MYOF: variants seen among roughly 807,000 people sequenced by gnomAD.
MYOF encodes the protein myoferlin.
A neutral mutation model predicts 284.2 loss-of-function variants in MYOF; 244 were observed. That is an observed-to-expected ratio of 0.86 (90% CI 0.77 to 0.95). The LOEUF (loss-of-function observed/expected upper bound fraction) is 0.95, where lower values mean the gene tolerates loss of function less well. Among genes scored for constraint, MYOF ranks in the 40% least tolerant of loss-of-function variants. The pLI is 0.00. For missense variants in MYOF, 2,496 were observed against 2,560.6 expected (o/e 0.97, Z 0.54); for synonymous variants, 904 against 919.7 (o/e 0.98, Z 0.31).
At chr10:93,393,095 T>C in intron 16 of MYOF, 140 bp from the exon 17 acceptor site, 1 of 710,522 alleles carries the variant, frequency 1.4e-6, no homozygotes, top group Non-Finnish European at 2.5e-6. Flanking sequence ...CCAAGTCACA[T>C]ATGACCCTTT....
At position 93,378,693 on chromosome 10, in the gene MYOF, G is replaced by GTGTGTATATATA; in HGVS notation, c.2001+1169_2001+1170insTATATATACACA. Among the ~76,000 whole-genome samples, 593 of 87,796 alleles carry GTGTGTATATATA rather than the reference G, an allele frequency of 6.8e-3. 24 individuals are homozygous for GTGTGTATATATA. Among genetic ancestry groups the GTGTGTATATATA allele is most frequent in the African/African-American group, 0.026 (532 of 20,774 alleles). The allele number at this position is 87,796 out of a possible 152,430, so 57.6% of individuals were successfully genotyped here. ...TATGTGTGTGTGTATGTGTGTGTGT[G>GTGTGTATATATA]TATATATATATATATATATATATGT... is the stretch of plus-strand genomic sequence containing the variant. On this transcript the variant is annotated intron_variant, in intron 21 of 53. Coordinates refer to ENST00000359263, the MANE Select transcript of MYOF (RefSeq NM_013451.4).
Position 93,347,650 on chromosome 10 carries a change from C to T in MYOF, c.4216G>A (p.Ala1406Thr), listed in dbSNP as rs370235457. 1.2e-6 allele frequency: 2 copies of T among 1,613,758 alleles called. No homozygotes were observed. Among genetic ancestry groups the T allele is most frequent in the Non-Finnish European group, 1.7e-6 (2 of 1,179,978 alleles). ...RLDRFRCDPY[A>T]GKEDIVPQLK... ...TGTGGGACGATGTCCTCTTTCCCTG[C>T]ATAAGGGTCACAGCGAAAGCGGTCC... The change falls in exon 37 of 54, where the codon GCA (alanine) becomes ACA (threonine). Residue 1406 changes from alanine (A) to threonine (T), a missense_variant. Ala to Thr is a moderately conservative substitution (Grantham distance 58). Coordinates refer to ENST00000359263, the MANE Select transcript of MYOF (RefSeq NM_013451.4).
intron 2 of MYOF, among the ~76,000 whole-genome samples, chr10:93,453,009 A>G (rs1256545245): frequency 6.6e-6 from 1 of 152,166 alleles, no homozygotes; most frequent in Non-Finnish European, 1.5e-5. Flanking sequence ...CTGATTAGGT[A>G]ATAATTAAAT....
intron 35 of MYOF, 41 bp downstream of exon 35, chr10:93,351,156 A>G (rs1844485390): frequency 6.3e-7 from 1 of 1,582,456 alleles, no homozygotes; most frequent in South Asian, 1.1e-5. Flanking sequence ...CTGCAGTCAC[A>G]TCCGTTTGAT....
rs114746792 is a variant in MYOF, at chr10:93,376,216, T to G, written c.2108+1107A>C. Among the ~76,000 whole-genome samples the G allele has an allele frequency of 5.6e-3, 848 of 152,316 alleles. 7 individuals are homozygous for G. The highest frequency in any genetic ancestry group is 0.019 in the African/African-American group (789 of 41,560). On this transcript the variant is annotated intron_variant, in intron 22 of 53. Coordinates refer to ENST00000359263, the MANE Select transcript of MYOF (RefSeq NM_013451.4). ...GAAAGTTATTACCAAATGTTTCTGT[T>G]TGGTTTCATAAATAACTACGGCATT...
intron 12 of MYOF, among the ~76,000 whole-genome samples, chr10:93,400,193 A>G (rs1338203110): frequency 6.6e-6 from 1 of 152,218 alleles, no homozygotes; most frequent in Non-Finnish European, 1.5e-5. Flanking sequence ...TCTGTTTCAG[A>G]GAAATTCAAG....
chr10:93,307,202 T>G (rs760815190), intron 53 of MYOF, among the ~76,000 whole-genome samples: 1 of 148,908 alleles, frequency 6.7e-6, no homozygotes, highest in African/African-American at 2.4e-5. Flanking sequence ...CCCCGCCAAG[T>G]TGTTGCAACC....
intron 28 of MYOF, among the ~76,000 whole-genome samples, chr10:93,360,786 G>C (rs113259342): frequency 6.6e-6 from 1 of 152,166 alleles, no homozygotes; most frequent in South Asian, 2.1e-4. Context: ...CGTCAGGGGG[G>C]CCCTGAATGT....
intron 17 of MYOF, among the ~76,000 whole-genome samples, chr10:93,390,826 G>A (rs566723159): frequency 4.5e-4 from 68 of 151,822 alleles, no homozygotes; most frequent in African/African-American, 1.5e-3. Context: ...AAAAAAAAAA[G>A]AGGAAGAAGT....
chr10:93,333,720 T>C, intron 42 of MYOF, 38 bp downstream of exon 42: 1 of 1,604,256 alleles, frequency 6.2e-7, no homozygotes, highest in Non-Finnish European at 8.5e-7. Flanking sequence ...ACTGTAATTA[T>C]CTTGCTACAG....
At chr10:93,406,147 C>T (rs541443547) in intron 7 of MYOF, among the ~76,000 whole-genome samples, 22 of 150,264 alleles carry the variant, frequency 1.5e-4, no homozygotes, top group South Asian at 2.1e-4. Context: ...TTAGTAGAGA[C>T]GGGGTTTCAC....
At chr10:93,310,744 T>C in intron 51 of MYOF, 101 bp from the exon 52 acceptor site, 1 of 1,111,120 alleles carries the variant, frequency 9.0e-7, no homozygotes, top group South Asian at 1.5e-5. Context: ...TTTATTCTTG[T>C]AAAACAATCC....
Position 93,381,353 on chromosome 10 carries a change from T to C in MYOF, c.1742A>G (p.His581Arg), listed in dbSNP as rs1003768410. Residue 581 changes from histidine to arginine, a missense_variant, in exon 20 of 54, where the codon CAT (histidine) becomes CGT (arginine). Around this residue, in one of 3 missense-constraint regions of MYOF, gnomAD observed 2,436 missense variants for 2,480.7 expected, o/e 0.98. Transcript: ENST00000359263. ...AACATCTTGCAACATGGTGGCTGAA[T>C]GAAACACGGCAGACAGGCTGTACTT... ...RRKYSLSAVF[H>R]SATMLQDVGE... 3 of 1,614,228 alleles carry C rather than the reference T, an allele frequency of 1.9e-6. No individual in the cohort carries two copies. Among genetic ancestry groups the C allele is most frequent in the Non-Finnish European group, 1.7e-6 (2 of 1,180,034 alleles).
rs1316813276 is a variant in MYOF, at chr10:93,404,159, G to A, written c.790C>T (p.Arg264Trp). ...CCTTCCTACTTGCTGACCCTTACCC[G>A]GATGCTGATGATCTCATCCATCAAT... ...SELMDEIISI[R>W]VYNSHSLRAD... Residue 264 changes from arginine to tryptophan, a missense_variant and splice_region_variant, in exon 8 of 54, where the codon CGG (arginine) becomes TGG (tryptophan). Arg to Trp is a moderately radical substitution (Grantham distance 101, BLOSUM62 -3). Transcript: ENST00000359263. 5 of 1,614,096 alleles carry A rather than the reference G, an allele frequency of 3.1e-6. No homozygotes were observed. The highest frequency in any genetic ancestry group is 2.2e-5 in the East Asian group (1 of 44,874).
At position 93,366,559 on chromosome 10, in the gene MYOF, T is replaced by C; in HGVS notation, c.2590-4A>G. On this transcript the variant is annotated splice_region_variant and splice_polypyrimidine_tract_variant and intron_variant, in intron 25 of 53. Coordinates refer to ENST00000359263, the MANE Select transcript of MYOF (RefSeq NM_013451.4). The stretch of plus-strand genomic sequence containing the variant: ...ACATGAGAGCTTGATTTTCATACTA[T>C]TAAAAAAGAGATAAAATTGGAGAAA... 6.3e-7 allele frequency: 1 copy of C among 1,586,480 alleles called. No homozygotes were observed.
chr10:93,393,225 G>A (rs1041858187), intron 16 of MYOF, among the ~76,000 whole-genome samples: 2 of 152,166 alleles, frequency 1.3e-5, no homozygotes, highest in Non-Finnish European at 2.9e-5. Flanking sequence ...CTAGCTTCCC[G>A]GGGACAGAGG....
chr10:93,445,825 A>G (rs1293316776), intron 3 of MYOF, among the ~76,000 whole-genome samples: 1 of 152,212 alleles, frequency 6.6e-6, no homozygotes, highest in Non-Finnish European at 1.5e-5. Context: ...AACAGGCAGG[A>G]CATTCCTTAA....
chr10:93,336,079 T>C, intron 40 of MYOF, 33 bp from the exon 41 acceptor site: 2 of 1,605,932 alleles, frequency 1.2e-6, no homozygotes, highest in Non-Finnish European at 1.7e-6. Flanking sequence ...TAATTTCTCA[T>C]TAAAATGCAG....
chr10:93,406,712 T>C (rs1006260401), intron 7 of MYOF, among the ~76,000 whole-genome samples: 1 of 151,856 alleles, frequency 6.6e-6, no homozygotes, highest in African/African-American at 2.4e-5. Flanking sequence ...GCGATTCCTT[T>C]GAGGGGAGAG....
Sources: gnomAD v4.1 joint callset for allele counts (sites outside exome capture counted in the v4.1 genomes callset) on GRCh38, gnomAD v4.1.1 for gene constraint, gnomAD v4.1.1 regional missense constraint, MANE v1.5 for transcripts, NCBI Gene and HGNC (gene_info 2026-07-23, HGNC 2026-07-21) for gene names.